The following MTMR12 variants were observed in gnomAD, a reference collection of about 807,000 sequenced individuals.
The protein encoded by MTMR12 is myotubularin-related protein 12.
Under a neutral mutation model 96.7 loss-of-function variants are expected in MTMR12, and 33 were observed. The observed-to-expected ratio is 0.34, with a 90% CI of 0.26 to 0.46. The LOEUF (loss-of-function observed/expected upper bound fraction) is 0.46. Among genes scored for constraint, MTMR12 ranks in the 20% least tolerant of loss-of-function variants. MTMR12 has a pLI of 1.00. For missense variants in MTMR12, 721 were observed against 896.1 expected, an observed-to-expected ratio of 0.80 and a Z score of 2.49; for synonymous variants, 298 against 327.2, an observed-to-expected ratio of 0.91 and a Z score of 0.96.
intron 8 of MTMR12, among the ~76,000 whole-genome samples, chr5:32,253,001 C>T (rs1004151648): frequency 7.2e-5 from 11 of 152,194 alleles, no homozygotes; most frequent in Non-Finnish European, 1.6e-4. Flanking sequence ...TCAGAGAAGA[C>T]ACATGCTAAA....
intron 5 of MTMR12, among the ~76,000 whole-genome samples, chr5:32,269,229 G>A (rs201672244): frequency 6.6e-6 from 1 of 151,932 alleles, no homozygotes; most frequent in African/African-American, 2.4e-5. Flanking sequence ...GTTTCGCTAT[G>A]TTGGCCAGGC....
intron 5 of MTMR12, among the ~76,000 whole-genome samples, chr5:32,269,608 T>G (rs80313205): frequency 0.023 from 3,570 of 152,264 alleles, 150 homozygotes; most frequent in African/African-American, 0.08. Context: ...CCCAGCCCAG[T>G]GTGTCAGGTT....
At chr5:32,230,996 G>C (rs1185211099) in intron 15 of MTMR12, among the ~76,000 whole-genome samples, 1 of 152,170 alleles carries the variant, frequency 6.6e-6, no homozygotes, top group Non-Finnish European at 1.5e-5. Flanking sequence ...CAACCTGCAT[G>C]GAGTAGAAAA....
At chr5:32,282,464 T>TAA (rs1177391471) in intron 1 of MTMR12, among the ~76,000 whole-genome samples, 9 of 146,838 alleles carry the variant, frequency 6.1e-5, no homozygotes, top group Non-Finnish European at 1.2e-4. Context: ...AATAAATAAA[T>TAA]AAAATAAAAA....
intron 13 of MTMR12, among the ~76,000 whole-genome samples, chr5:32,236,639 C>T (rs978793315): frequency 2.0e-5 from 3 of 151,698 alleles, no homozygotes; most frequent in South Asian, 2.1e-4. Context: ...GTCAAGAGTT[C>T]GATACCTGAC....
At chr5:32,238,494 T>G (rs1436736096) in intron 13 of MTMR12, among the ~76,000 whole-genome samples, 1 of 152,194 alleles carries the variant, frequency 6.6e-6, no homozygotes, top group Non-Finnish European at 1.5e-5. Flanking sequence ...AGGCCTCCAA[T>G]TTTTGGATTA....
chr5:32,298,564 G>A (rs1561810211), intron 1 of MTMR12, among the ~76,000 whole-genome samples: 2 of 152,126 alleles, frequency 1.3e-5, no homozygotes, highest in Non-Finnish European at 2.9e-5. Context: ...GGCCCTCCAG[G>A]TAGACTGTAA....
chr5:32,303,116 C>T lies in MTMR12; in HGVS notation c.81+9642G>A, dbSNP rs191806655. Among the ~76,000 whole-genome samples, 5 of 152,316 alleles carry T rather than the reference C, an allele frequency of 3.3e-5. No individual in the cohort carries two copies. The South Asian group carries it at 1.0e-3, about 32-fold the overall frequency. ...CTTCTGAATAACAACAATAATGGCC[C>T]ACATCTCTTAAAGGTTAACTACATC... On this transcript the variant is annotated intron_variant, in intron 1 of 15. Transcript: ENST00000382142.
intron 1 of MTMR12, among the ~76,000 whole-genome samples, chr5:32,292,188 A>G (rs925243149): frequency 6.6e-6 from 1 of 152,104 alleles, no homozygotes; most frequent in Non-Finnish European, 1.5e-5. Flanking sequence ...AGGTGACAAT[A>G]ATTTGCAGGG....
chr5:32,240,583 C>G (rs983059986), intron 12 of MTMR12, among the ~76,000 whole-genome samples: 1 of 152,050 alleles, frequency 6.6e-6, no homozygotes, highest in Non-Finnish European at 1.5e-5. Flanking sequence ...TTTTTGTCTT[C>G]TAGTGCTATC....
chr5:32,259,129 T>TGAAA (rs1749258627), intron 7 of MTMR12, among the ~76,000 whole-genome samples: 1 of 152,186 alleles, frequency 6.6e-6, no homozygotes, highest in African/African-American at 2.4e-5. Flanking sequence ...AGCAGTCATT[T>TGAAA]CAGTCATTAA....
intron 7 of MTMR12, among the ~76,000 whole-genome samples, chr5:32,256,797 A>G (rs1305157740): frequency 6.6e-6 from 1 of 152,252 alleles, no homozygotes; most frequent in Non-Finnish European, 1.5e-5. Flanking sequence ...ACAAATAAAT[A>G]TCACCATGGG....
intron 6 of MTMR12, among the ~76,000 whole-genome samples, chr5:32,267,417 T>G (rs1581617123): frequency 6.9e-6 from 1 of 145,584 alleles, no homozygotes. Flanking sequence ...CAGAACCAAG[T>G]GAACAGACTG....
chr5:32,306,192 G>A (rs151145003), intron 1 of MTMR12, among the ~76,000 whole-genome samples: 60 of 152,100 alleles, frequency 3.9e-4, no homozygotes, highest in African/African-American at 1.3e-3. Context: ...AATGGGCCCC[G>A]AGATCAGACT....
At chr5:32,256,029 G>A in intron 7 of MTMR12, 2 of 251,294 alleles carry the variant, frequency 8.0e-6, no homozygotes, top group Non-Finnish European at 7.6e-6. Context: ...TACCTCTCTG[G>A]GTCTGTTTCC....
In MTMR12 at chr5:32,228,795, T is replaced by C. The variant is rs1353024394; in HGVS notation, c.*983A>G. On this transcript the variant is annotated 3_prime_UTR_variant, in exon 16 of 16. Transcript: ENST00000382142. ...TTCCTATGAAAGCCACATTCAAAAG[T>C]GACCCAATCCCATCAGTCCATAAAG... 3 of 151,790 alleles carry C rather than the reference T, an allele frequency of 2.0e-5. No individual in the cohort carries two copies. Among genetic ancestry groups the C allele is most frequent in the African/African-American group, 7.3e-5 (3 of 41,186 alleles). The allele number at this position is 151,790 out of a possible 1,614,324, so 9.4% of individuals were successfully genotyped here. A position where few individuals can be genotyped will look rare whatever the true frequency, so the allele number is the denominator to read the frequency against.
intron 1 of MTMR12, among the ~76,000 whole-genome samples, chr5:32,303,215 T>C (rs547464050): frequency 1.3e-5 from 2 of 152,356 alleles, no homozygotes; most frequent in African/African-American, 2.4e-5. Context: ...ATGTCTATTA[T>C]ATAACATGGA....
chr5:32,253,884 A>T (rs1749042950), intron 8 of MTMR12, among the ~76,000 whole-genome samples: 1 of 152,238 alleles, frequency 6.6e-6, no homozygotes, highest in Non-Finnish European at 1.5e-5. Context: ...TCGGTCTCCC[A>T]ACGTGCTGGG....
intron 1 of MTMR12, among the ~76,000 whole-genome samples, chr5:32,310,199 C>G (rs1239237053): frequency 1.3e-5 from 2 of 152,110 alleles, no homozygotes; most frequent in Non-Finnish European, 2.9e-5. Flanking sequence ...ACCTGTAGTC[C>G]CAGCTACTTG....
Sources: gnomAD v4.1 joint callset for allele counts (sites outside exome capture counted in the v4.1 genomes callset) on GRCh38, gnomAD v4.1.1 for gene constraint, MANE v1.5 for transcripts, NCBI Gene and HGNC (gene_info 2026-07-23, HGNC 2026-07-21) for gene names.